CRISPLD2: variants seen among roughly 807,000 people sequenced by gnomAD.
CRISPLD2 encodes the protein cysteine rich secretory protein LCCL domain containing 2.
In CRISPLD2, 47 loss-of-function variants were observed where a neutral mutation model predicts 71.1. The observed-to-expected ratio is 0.66, with a 90% CI of 0.52 to 0.84. The LOEUF is 0.84. Among genes scored for constraint, CRISPLD2 ranks in the 40% least tolerant of loss-of-function variants. The pLI is 0.00. For synonymous variants in CRISPLD2, 317 were observed against 250.1 expected (o/e 1.27, Z -2.52); for missense variants, 830 against 651.1 (o/e 1.27, Z -2.99).
At chr16:84,851,520 C>T (rs1253837236) in intron 5 of CRISPLD2, among the ~76,000 whole-genome samples, 1 of 152,162 alleles carries the variant, frequency 6.6e-6, no homozygotes. Flanking sequence ...TGTTTTGGGT[C>T]AGGAGTAGTT....
intron 3 of CRISPLD2, among the ~76,000 whole-genome samples, chr16:84,848,292 C>T (rs1309628082): frequency 6.6e-6 from 1 of 152,210 alleles, no homozygotes; most frequent in Non-Finnish European, 1.5e-5. Flanking sequence ...GCTCCGCTTC[C>T]AGACAGTAAT....
chr16:84,886,336 C>G (rs542720154), intron 13 of CRISPLD2, among the ~76,000 whole-genome samples: 1 of 152,224 alleles, frequency 6.6e-6, no homozygotes, highest in Non-Finnish European at 1.5e-5. Flanking sequence ...GACACAGGCT[C>G]TCTTTGGCTT....
At chr16:84,826,364 C>T (rs1041451648) in intron 1 of CRISPLD2, among the ~76,000 whole-genome samples, 11 of 152,242 alleles carry the variant, frequency 7.2e-5, no homozygotes, top group African/African-American at 2.7e-4. Flanking sequence ...AGCTGTGACG[C>T]CCTGATGCTC....
At chr16:84,885,806 TCCC>T (rs2071607473) in intron 13 of CRISPLD2, among the ~76,000 whole-genome samples, 2 of 146,054 alleles carry the variant, frequency 1.4e-5, no homozygotes, top group African/African-American at 5.1e-5. Context: ...GAATGTTGGA[TCCC>T]TTCTTTTTTT....
intron 2 of CRISPLD2, among the ~76,000 whole-genome samples, chr16:84,842,627 G>T (rs568336570): frequency 8.5e-4 from 129 of 152,144 alleles, no homozygotes; most frequent in Middle Eastern, 3.4e-3. Context: ...GCCCACCTCA[G>T]CCTCCCAAAG....
chr16:84,820,407 A>C (rs1472509530), intron 1 of CRISPLD2, among the ~76,000 whole-genome samples: 1 of 152,192 alleles, frequency 6.6e-6, no homozygotes, highest in Non-Finnish European at 1.5e-5. Context: ...CCTGCTCCTT[A>C]GAGGCTGTTT....
intron 2 of CRISPLD2, among the ~76,000 whole-genome samples, chr16:84,844,950 G>T (rs766911869): frequency 3.9e-5 from 6 of 152,176 alleles, no homozygotes; most frequent in Non-Finnish European, 5.9e-5. Flanking sequence ...CTCAGAGAGG[G>T]TAACTGCGTG....
At chr16:84,849,084 A>AC in intron 3 of CRISPLD2, 1 of 271,722 alleles carries the variant, frequency 3.7e-6, no homozygotes, top group Admixed American at 4.5e-5. Context: ...CCTACTAGAG[A>AC]CCCCAGGTGA....
intron 1 of CRISPLD2, among the ~76,000 whole-genome samples, chr16:84,827,887 A>T (rs992281507): frequency 1.3e-5 from 2 of 151,982 alleles, no homozygotes; most frequent in African/African-American, 4.8e-5. Flanking sequence ...TTTCTTTAAG[A>T]GCTCAGCAGG....
chr16:84,824,424 A>G (rs1255122071), intron 1 of CRISPLD2, among the ~76,000 whole-genome samples: 2 of 152,210 alleles, frequency 1.3e-5, no homozygotes, highest in African/African-American at 4.8e-5. Flanking sequence ...GGGGTCCCCA[A>G]GGTGACTGAG....
At chr16:84,874,637 A>G (rs556585353) in intron 11 of CRISPLD2, among the ~76,000 whole-genome samples, 3 of 152,104 alleles carry the variant, frequency 2.0e-5, no homozygotes, top group Admixed American at 6.6e-5. Flanking sequence ...TGGGACAGCA[A>G]CTCTTATCAT....
chr16:84,875,116 C>G (rs2071506389), intron 11 of CRISPLD2, among the ~76,000 whole-genome samples: 1 of 152,088 alleles, frequency 6.6e-6, no homozygotes, highest in African/African-American at 2.4e-5. Flanking sequence ...GTGGCACACA[C>G]CTGTATCTCA....
At chr16:84,831,379 G>C (rs1048186303) in intron 1 of CRISPLD2, among the ~76,000 whole-genome samples, 2 of 152,100 alleles carry the variant, frequency 1.3e-5, no homozygotes, top group Admixed American at 1.3e-4. Context: ...GGGTCCCCCT[G>C]CCATCCCCCA....
intron 14 of CRISPLD2, among the ~76,000 whole-genome samples, chr16:84,899,508 C>G (rs2071734973): frequency 6.6e-6 from 1 of 152,202 alleles, no homozygotes; most frequent in Non-Finnish European, 1.5e-5. Flanking sequence ...ACTGGGGACA[C>G]TGAAGGTGGG....
chr16:84,860,191 C>T (rs1004791835), intron 6 of CRISPLD2, among the ~76,000 whole-genome samples: 1 of 152,146 alleles, frequency 6.6e-6, no homozygotes, highest in Admixed American at 6.6e-5. Flanking sequence ...CAAATAAAAA[C>T]AGTGAAGAAC....
intron 6 of CRISPLD2, among the ~76,000 whole-genome samples, chr16:84,863,444 C>T (rs764309037): frequency 6.6e-6 from 1 of 152,180 alleles, no homozygotes. Context: ...TGACCTCTAA[C>T]GGAGATGGAG....
intron 3 of CRISPLD2, among the ~76,000 whole-genome samples, chr16:84,848,717 A>G (rs1001135208): frequency 2.0e-5 from 3 of 152,214 alleles, no homozygotes; most frequent in African/African-American, 4.8e-5. Flanking sequence ...CTGGGATGAC[A>G]GGCATGAGCC....
chr16:84,868,134 A>G (rs1328120939), intron 7 of CRISPLD2, among the ~76,000 whole-genome samples: 1 of 151,738 alleles, frequency 6.6e-6, no homozygotes, highest in Non-Finnish European at 1.5e-5. Flanking sequence ...TTTCATAACT[A>G]CCATCTCCCC....
intron 13 of CRISPLD2, among the ~76,000 whole-genome samples, chr16:84,885,566 A>G (rs924280384): frequency 6.6e-6 from 1 of 151,962 alleles, no homozygotes; most frequent in South Asian, 2.1e-4. Flanking sequence ...GATACCCGGG[A>G]CCCCGCTTTG....
Sources: gnomAD v4.1 joint callset for allele counts (sites outside exome capture counted in the v4.1 genomes callset) on GRCh38, gnomAD v4.1.1 for gene constraint, MANE v1.5 for transcripts, NCBI Gene and HGNC (gene_info 2026-07-23, HGNC 2026-07-21) for gene names.